RARB: variants seen among roughly 807,000 people sequenced by gnomAD.
RARB encodes HBV-activated protein.
A neutral mutation model predicts 51.9 loss-of-function variants in RARB; 17 were observed. The observed-to-expected ratio is 0.33, with a 90% confidence interval of 0.22 to 0.49. The LOEUF (loss-of-function observed/expected upper bound fraction) is 0.49, where lower values mean the gene tolerates loss of function less well. RARB is among the 20% of genes least tolerant of loss of function. The pLI is 0.99. For missense variants in RARB, 369 were observed against 550.8 expected (o/e 0.67, Z 3.30); for synonymous variants, 215 against 195.4 (o/e 1.10, Z -0.84).
intron 2 of RARB, among the ~76,000 whole-genome samples, chr3:24,918,042 C>T (rs1229688000): frequency 6.6e-6 from 1 of 152,194 alleles, no homozygotes; most frequent in Non-Finnish European, 1.5e-5. Context: ...CAAGTCCACA[C>T]CTAGCATGCT....
At chr3:24,870,393 G>A (rs1341013456) in intron 2 of RARB, among the ~76,000 whole-genome samples, 1 of 151,970 alleles carries the variant, frequency 6.6e-6, no homozygotes, top group African/African-American at 2.4e-5. Context: ...CTATTTTATA[G>A]TCCAAACTTA....
chr3:25,010,983 C>T (rs982930911), intron 2 of RARB, among the ~76,000 whole-genome samples: 3 of 152,124 alleles, frequency 2.0e-5, no homozygotes, highest in African/African-American at 7.2e-5. Flanking sequence ...CAATGCTCAG[C>T]ATGCATCTTT....
intron 5 of RARB, among the ~76,000 whole-genome samples, chr3:25,308,753 G>T (rs1365354700): frequency 3.9e-5 from 6 of 152,204 alleles, no homozygotes; most frequent in African/African-American, 1.4e-4. Flanking sequence ...CAGCCTCCGT[G>T]AGTATTTTCT....
intron 1 of RARB, among the ~76,000 whole-genome samples, chr3:25,433,407 T>C (rs989493535): frequency 2.0e-5 from 3 of 152,252 alleles, no homozygotes; most frequent in Admixed American, 2.0e-4. Context: ...GTCATTCTTA[T>C]GAACATGAAT....
chr3:25,471,368 C>G (rs964290488), intron 2 of RARB, among the ~76,000 whole-genome samples: 27 of 152,230 alleles, frequency 1.8e-4, no homozygotes, highest in Non-Finnish European at 3.7e-4. Flanking sequence ...CTTAGAGAAT[C>G]TACCTCCATA....
chr3:25,272,972 A>G (rs145264318), intron 5 of RARB, among the ~76,000 whole-genome samples: 2 of 152,310 alleles, frequency 1.3e-5, no homozygotes, highest in East Asian at 1.9e-4. Context: ...ACAACTGTTC[A>G]TGTCAAACTG....
At chr3:25,045,638 T>A (rs1575134196) in intron 2 of RARB, among the ~76,000 whole-genome samples, 1 of 152,200 alleles carries the variant, frequency 6.6e-6, no homozygotes, top group African/African-American at 2.4e-5. Flanking sequence ...TTTTTCAGAT[T>A]TATATTTTCT....
chr3:24,980,207 T>G (rs1275839355), intron 2 of RARB, among the ~76,000 whole-genome samples: 1 of 152,228 alleles, frequency 6.6e-6, no homozygotes, highest in East Asian at 1.9e-4. Context: ...TAACATTTTT[T>G]TCCTTCATTT....
chr3:25,470,653 A>T (rs867776405), intron 2 of RARB, among the ~76,000 whole-genome samples: 1 of 152,248 alleles, frequency 6.6e-6, no homozygotes, highest in Non-Finnish European at 1.5e-5. Flanking sequence ...ATAACCCTAT[A>T]TAAACAACTA....
chr3:24,927,117 CTT>C (rs987153112), intron 2 of RARB, among the ~76,000 whole-genome samples: 71 of 152,168 alleles, frequency 4.7e-4, no homozygotes, highest in African/African-American at 1.6e-3. Flanking sequence ...AAATTATACT[CTT>C]TTGTTTTTTG....
chr3:25,056,967 A>C (rs1256451080), intron 2 of RARB, among the ~76,000 whole-genome samples: 1 of 152,066 alleles, frequency 6.6e-6, no homozygotes, highest in Admixed American at 6.6e-5. Flanking sequence ...TGGTTAGTGT[A>C]TGAGCCTTCA....
intron 5 of RARB, among the ~76,000 whole-genome samples, chr3:25,360,891 C>A (rs181983955): frequency 1.8e-4 from 27 of 152,284 alleles, no homozygotes; most frequent in African/African-American, 6.0e-4. Flanking sequence ...CCTGACCTTT[C>A]TCTCTGGCTG....
At chr3:25,150,404 C>T (rs1575183323) in intron 4 of RARB, among the ~76,000 whole-genome samples, 1 of 152,118 alleles carries the variant, frequency 6.6e-6, no homozygotes, top group Non-Finnish European at 1.5e-5. Flanking sequence ...TTCCACCTTT[C>T]CTTTGAACAG....
intron 5 of RARB, among the ~76,000 whole-genome samples, chr3:25,237,914 TATATA>T (rs1164481260): frequency 6.6e-6 from 1 of 152,126 alleles, no homozygotes; most frequent in Non-Finnish European, 1.5e-5. Flanking sequence ...TATTTGTACA[TATATA>T]GAGAGAGTAC....
chr3:25,072,783 A>C (rs1698795064), intron 3 of RARB, among the ~76,000 whole-genome samples: 1 of 151,662 alleles, frequency 6.6e-6, no homozygotes, highest in Non-Finnish European at 1.5e-5. Context: ...ATCTCGGCTC[A>C]CTGCAAGCTC....
At chr3:25,465,704 T>A (rs1435758114) in intron 2 of RARB, among the ~76,000 whole-genome samples, 2 of 152,182 alleles carry the variant, frequency 1.3e-5, no homozygotes, top group Non-Finnish European at 2.9e-5. Context: ...ACTGTAGGGA[T>A]GCCCTGTTTA....
intron 3 of RARB, among the ~76,000 whole-genome samples, chr3:25,531,249 C>G (rs1698892674): frequency 6.6e-6 from 1 of 152,060 alleles, no homozygotes; most frequent in Non-Finnish European, 1.5e-5. Context: ...CTGTGAACCA[C>G]ATGGGTTCCA....
At chr3:24,871,289 A>C (rs1008144313) in intron 2 of RARB, among the ~76,000 whole-genome samples, 1 of 152,144 alleles carries the variant, frequency 6.6e-6, no homozygotes, top group Non-Finnish European at 1.5e-5. Context: ...TTTTTAAAGA[A>C]TATATATTGA....
intron 5 of RARB, among the ~76,000 whole-genome samples, chr3:25,272,965 A>G (rs915558025): frequency 3.3e-5 from 5 of 152,176 alleles, no homozygotes; most frequent in Non-Finnish European, 1.5e-5. Flanking sequence ...AGCCAGTACA[A>G]CTGTTCATGT....
Sources: gnomAD v4.1 joint callset for allele counts (sites outside exome capture counted in the v4.1 genomes callset) on GRCh38, gnomAD v4.1.1 for gene constraint, MANE v1.5 for transcripts, NCBI Gene and HGNC (gene_info 2026-07-23, HGNC 2026-07-21) for gene names.